PIP5KL1: variants seen among roughly 807,000 people sequenced by gnomAD.
PIP5KL1 encodes phosphatidylinositol 4-phosphate 5-kinase-like protein 1.
Under a neutral mutation model 47.6 loss-of-function variants are expected in PIP5KL1, and 45 were observed. The observed-to-expected ratio is 0.94, with a 90% CI of 0.74 to 1.21. PIP5KL1 has a LOEUF of 1.21. Among genes scored for constraint, PIP5KL1 ranks in the 50% most tolerant of loss-of-function variants. The probability of loss-of-function intolerance (pLI) is 0.00; values close to 1 mark genes in which losing one functional copy is unlikely to be tolerated. For synonymous variants in PIP5KL1, 256 were observed against 234.6 expected, an observed-to-expected ratio of 1.09 and a Z score of -0.84; for missense variants, 577 against 547.6, an observed-to-expected ratio of 1.05 and a Z score of -0.54.
At chr9:127,922,142 C>T in intron 9 of PIP5KL1, 28 bp from the exon 10 acceptor site, 1 of 1,457,944 alleles carries the variant, frequency 6.9e-7, no homozygotes, top group South Asian at 1.4e-5. Flanking sequence ...GGTGAAGCTG[C>T]CAGCTCCTCC....
chr9:127,923,863 A>T (rs1216174245), intron 9 of PIP5KL1, among the ~76,000 whole-genome samples: 2 of 152,342 alleles, frequency 1.3e-5, no homozygotes, highest in East Asian at 1.9e-4. Context: ...AGTCCTCAGA[A>T]GTCATTCTGC....
In PIP5KL1 at chr9:127,927,896, G is replaced by C. The variant is rs1055309205; in HGVS notation, c.435-124C>G. On this transcript the variant is annotated intron_variant, in intron 4 of 9. Transcript: ENST00000388747. The surrounding 1 kb of genome is among the most constrained non-coding windows in gnomAD (Gnocchi z 5.5). ...TCTCGGCACCGCCTCTCTCGCCTTC[G>C]GCCCTCGCCCTCCTCTCCTCCCCGA... 7.4e-6 allele frequency: 11 copies of C among 1,484,026 alleles called. No homozygotes were observed. The highest frequency in any genetic ancestry group is 1.4e-5 in the African/African-American group (1 of 69,756). The allele number at this position is 1,484,026 out of a possible 1,614,324, so 91.9% of individuals were successfully genotyped here.
In PIP5KL1 at chr9:127,927,747, T is replaced by A. The variant is rs1208921204; in HGVS notation, c.460A>T (p.Thr154Ser). ...GCCTGCACCTCTCGGCGCCCCTGGG[T>A]CTTCAGGAAGAAGCGCTGGTCGTGG... is the stretch of plus-strand genomic sequence containing the variant. ...LSHDQRFFLKTQGRREVQALL... is the reference protein window; with the variant it reads ...LSHDQRFFLKSQGRREVQALL... Residue 154 changes from threonine to serine, a missense_variant, in exon 5 of 10, where the codon ACC becomes TCC. Thr to Ser is a moderately conservative substitution (Grantham distance 58, BLOSUM62 1). Coordinates refer to ENST00000388747, the MANE Select transcript of PIP5KL1 (RefSeq NM_001135219.2). This position sits in a 1 kb window ranked among gnomAD's most constrained non-coding sequence, Gnocchi z 5.5. The A allele has an allele frequency of 1.9e-6, 3 of 1,559,874 alleles. No individual in the cohort carries two copies. The highest frequency in any genetic ancestry group is 1.7e-6 in the Non-Finnish European group (2 of 1,153,140).
rs1831388117 is a variant in PIP5KL1, at chr9:127,927,997, CTGGGAA to C, written c.434+62_434+67del. ...TCTCTTCAGGGGGCCTTCCCCGCCA[CTGGGAA>C]TTCTGCCCTCCCAGCCAGGGGTACC... is the stretch of plus-strand genomic sequence containing the variant. On this transcript the variant is annotated intron_variant, in intron 4 of 9. Coordinates refer to ENST00000388747, the MANE Select transcript of PIP5KL1 (RefSeq NM_001135219.2). The surrounding 1 kb of genome is among the most constrained non-coding windows in gnomAD (Gnocchi z 5.5). 1 of 1,469,484 alleles carries C rather than the reference CTGGGAA, an allele frequency of 6.8e-7. No homozygotes were observed. Among genetic ancestry groups the C allele is most frequent in the African/African-American group, 1.4e-5 (1 of 70,032 alleles). 91.0% of individuals were successfully genotyped at this position (1,469,484 alleles called of 1,614,324 possible).
rs1344731538 is a variant in PIP5KL1 at position 127,921,742 on chromosome 9, G to A, written c.*105C>T. The stretch of plus-strand genomic sequence containing the variant: ...TATTAGTTAGGGGATGCTGCCCTCT[G>A]GCGACCATCAGGAGGAAGCGCAGGC... On this transcript the variant is annotated 3_prime_UTR_variant, in exon 10 of 10. Coordinates refer to ENST00000388747, the MANE Select transcript of PIP5KL1 (RefSeq NM_001135219.2). 1 of 1,413,498 alleles carries A rather than the reference G, an allele frequency of 7.1e-7. No individual in the cohort carries two copies. The highest frequency in any genetic ancestry group is 1.4e-5 in the African/African-American group (1 of 69,834). The allele number at this position is 1,413,498 out of a possible 1,614,324, so 87.6% of individuals were successfully genotyped here.
chr9:127,925,685 T>C, intron 8 of PIP5KL1, 182 bp downstream of exon 8: 1 of 601,474 alleles, frequency 1.7e-6, no homozygotes, highest in Non-Finnish European at 3.0e-6. Context: ...AGGCTGGTCT[T>C]GAACTCCTGA....
chr9:127,925,898 G>A lies in PIP5KL1; in HGVS notation c.732C>T (p.Asp244=), dbSNP rs761455989. 4 of 1,613,976 alleles carry A rather than the reference G, an allele frequency of 2.5e-6. No homozygotes were observed. Among genetic ancestry groups the A allele is most frequent in the Admixed American group, 3.3e-5 (2 of 60,004 alleles). The stretch of plus-strand genomic sequence containing the variant: ...TGATGGTCTTGCCCTGAAAGTTGAG[G>A]TCCTTCAGCACCAGAACAAGGGGGC... ...EGSPLVLVLK[D]LNFQGKTINL... Residue 244 remains aspartate, a synonymous_variant, in exon 8 of 10, where the codon GAC becomes GAT. Transcript: ENST00000388747.
Position 127,927,612 on chromosome 9 carries a change from ACCCGCCCCCACCGAGC to A in PIP5KL1, c.559+20_559+35del. 1 of 1,247,394 alleles carries A rather than the reference ACCCGCCCCCACCGAGC, an allele frequency of 8.0e-7. No homozygotes were observed. Among genetic ancestry groups the A allele is most frequent in the South Asian group, 1.3e-5 (1 of 75,512 alleles). The allele number at this position is 1,247,394 out of a possible 1,614,324, so 77.3% of individuals were successfully genotyped here. A position where few individuals can be genotyped will look rare whatever the true frequency, so the allele number is the denominator to read the frequency against. ...CTCCCCAGGTATATGATGACCTAGG[ACCCGCCCCCACCGAGC>A]CCCGCCCCCAGCCAAGTACCCAGCA... On this transcript the variant is annotated intron_variant, in intron 5 of 9. Coordinates refer to ENST00000388747, the MANE Select transcript of PIP5KL1 (RefSeq NM_001135219.2). This position sits in a 1 kb window ranked among gnomAD's most constrained non-coding sequence, Gnocchi z 5.5.
chr9:127,930,749 C>A lies in PIP5KL1; in HGVS notation c.4G>T (p.Ala2Ser). 1 of 1,554,484 alleles carries A rather than the reference C, an allele frequency of 6.4e-7. No individual in the cohort carries two copies. Among genetic ancestry groups the A allele is most frequent in the Non-Finnish European group, 8.7e-7 (1 of 1,154,380 alleles). Residue 2 changes from alanine (A) to serine (S), a missense_variant, in exon 1 of 10, where the codon GCT becomes TCT. Physicochemically the swap from Ala to Ser is moderately conservative, Grantham distance 99. Transcript: ENST00000388747. ...TCGCGGGGCCCCGGGCTCGGCGCAGCCATCGCCCCCGCAGCAGCTTCCCGG... is the reference window on the plus strand; with the variant it reads ...TCGCGGGGCCCCGGGCTCGGCGCAGACATCGCCCCCGCAGCAGCTTCCCGG... MAAPSPGPREVL... is the reference protein window; with the variant it reads MSAPSPGPREVL...
Position 127,927,253 on chromosome 9 carries a change from C to T in PIP5KL1, c.594+44G>A. 2.5e-6 allele frequency: 4 copies of T among 1,611,430 alleles called. No homozygotes were observed. The highest frequency in any genetic ancestry group is 3.4e-6 in the Non-Finnish European group (4 of 1,179,342). On this transcript the variant is annotated intron_variant, in intron 6 of 9. Transcript: ENST00000388747. This position sits in a 1 kb window ranked among gnomAD's most constrained non-coding sequence, Gnocchi z 5.5. ...GTGAGGGAGGCCGGCTGTCGCCCTCCAGCCGCCCGCTCCGCCCAGCCACCT... is the reference window on the plus strand; with the variant it reads ...GTGAGGGAGGCCGGCTGTCGCCCTCTAGCCGCCCGCTCCGCCCAGCCACCT...
chr9:127,927,474 C>G lies in PIP5KL1; in HGVS notation c.560-143G>C. ...TTCCTTGGCTGGTCCGGATCCCGAC[C>G]CGATCCCACCCCTAAACACAGCCCC... On this transcript the variant is annotated intron_variant, in intron 5 of 9. Coordinates refer to ENST00000388747, the MANE Select transcript of PIP5KL1 (RefSeq NM_001135219.2). The surrounding 1 kb of genome is among the most constrained non-coding windows in gnomAD (Gnocchi z 5.5). 1 of 1,469,488 alleles carries G rather than the reference C, an allele frequency of 6.8e-7. No homozygotes were observed. The highest frequency in any genetic ancestry group is 9.0e-7 in the Non-Finnish European group (1 of 1,111,238). The allele number at this position is 1,469,488 out of a possible 1,614,324, so 91.0% of individuals were successfully genotyped here. A position where few individuals can be genotyped will look rare whatever the true frequency, so the allele number is the denominator to read the frequency against.
At chr9:127,924,078 C>G (rs1831325428) in intron 9 of PIP5KL1, among the ~76,000 whole-genome samples, 1 of 152,214 alleles carries the variant, frequency 6.6e-6, no homozygotes, top group Non-Finnish European at 1.5e-5. Flanking sequence ...CTTTCTAAAG[C>G]AAAAATTAGG....
intron 4 of PIP5KL1, 57 bp downstream of exon 4, chr9:127,928,008 G>T: frequency 6.8e-7 from 1 of 1,473,846 alleles, no homozygotes; most frequent in Non-Finnish European, 9.0e-7. Flanking sequence ...TGGGAATTCT[G>T]CCCTCCCAGC....
At chr9:127,930,032 G>A (rs749539257) in intron 1 of PIP5KL1, 147 bp from the exon 2 acceptor site, 12 of 819,072 alleles carry the variant, frequency 1.5e-5, no homozygotes, top group Non-Finnish European at 1.8e-5. Flanking sequence ...GATGATGCTG[G>A]TACCCAGAGG....
intron 3 of PIP5KL1, 74 bp downstream of exon 3, chr9:127,928,357 GCA>G: frequency 6.5e-7 from 1 of 1,541,506 alleles, no homozygotes; most frequent in Non-Finnish European, 8.8e-7. Context: ...CACTCCCACT[GCA>G]CAGATGGGAA....
chr9:127,928,109 C>A lies in PIP5KL1; in HGVS notation c.390G>T (p.Leu130=). The stretch of plus-strand genomic sequence containing the variant: ...TGCTCTTGGAGGTGCTGAGGAACTG[C>A]AGGTAGGGGCCGCCGGGGCCCAGGG... ...QAALGPGGPY[L]QFLSTSKSKA... The change falls in exon 4 of 10, where the codon CTG becomes CTT. Residue 130 remains leucine, a synonymous_variant. Coordinates refer to ENST00000388747, the MANE Select transcript of PIP5KL1 (RefSeq NM_001135219.2). 1 of 1,570,188 alleles carries A rather than the reference C, an allele frequency of 6.4e-7. No homozygotes were observed. The highest frequency in any genetic ancestry group is 1.9e-5 in the Admixed American group (1 of 52,270).
At position 127,925,248 on chromosome 9, in the gene PIP5KL1, C is replaced by T. The variant is rs113486049; in HGVS notation, c.776G>A (p.Ser259Asn). Reference sequence around the variant, plus strand: ...CAGTTCCATCTGGCGGAGGAACCAGCTCCGCTGGGGCCCTGCCGGAGCATC... The same window carrying T: ...CAGTTCCATCTGGCGGAGGAACCAGTTCCGCTGGGGCCCTGCCGGAGCATC... ...GKTINLGPQR[S>N]WFLRQMELDT... The change falls in exon 9 of 10, where the codon AGC (serine) becomes AAC (asparagine). Residue 259 changes from serine (S) to asparagine (N), a missense_variant. Coordinates refer to ENST00000388747, the MANE Select transcript of PIP5KL1 (RefSeq NM_001135219.2). 1.9e-5 allele frequency: 31 copies of T among 1,612,690 alleles called. No individual in the cohort carries two copies. The highest frequency in any genetic ancestry group is 2.6e-5 in the Non-Finnish European group (31 of 1,179,934).
At chr9:127,922,192 C>A in intron 9 of PIP5KL1, 78 bp from the exon 10 acceptor site, 1 of 1,424,152 alleles carries the variant, frequency 7.0e-7, no homozygotes, top group Non-Finnish European at 9.2e-7. Flanking sequence ...CCTGGCCAGG[C>A]TGCCCACCCC....
In PIP5KL1 at chr9:127,928,120, C is replaced by T. The variant is rs772432808; in HGVS notation, c.379G>A (p.Gly127Ser). ...EDYQAALGPG[G>S]PYLQFLSTSK... ...GTGCTGAGGAACTGCAGGTAGGGGCCGCCGGGGCCCAGGGCAGCCTGATAG... is the reference window on the plus strand; with the variant it reads ...GTGCTGAGGAACTGCAGGTAGGGGCTGCCGGGGCCCAGGGCAGCCTGATAG... The change falls in exon 4 of 10, where the codon GGC becomes AGC. Residue 127 changes from glycine (G) to serine (S), a missense_variant. Physicochemically the swap from Gly to Ser is moderately conservative, Grantham distance 56. Coordinates refer to ENST00000388747, the MANE Select transcript of PIP5KL1 (RefSeq NM_001135219.2). 4.0e-5 allele frequency: 62 copies of T among 1,565,558 alleles called. No homozygotes were observed. The Middle Eastern group carries it at 1.3e-3, about 34-fold the overall frequency.
Sources: allele counts gnomAD v4.1 joint callset (sites outside exome capture counted in the v4.1 genomes callset), GRCh38; gene constraint gnomAD v4.1.1; non-coding constraint Gnocchi (gnomAD v3.1); transcripts MANE v1.5; gene names NCBI Gene and HGNC (gene_info 2026-07-23, HGNC 2026-07-21).